The following ZCWPW2 variants were observed in gnomAD, a reference collection of about 807,000 sequenced individuals.
The protein encoded by ZCWPW2 is zinc finger CW-type and PWWP domain containing 2.
Under a neutral mutation model 46.6 loss-of-function variants are expected in ZCWPW2, and 45 were observed. The ratio of observed to expected loss-of-function variants is 0.96; its 90% confidence interval spans 0.76 to 1.24. The LOEUF is 1.24. ZCWPW2 is among the 50% of genes most tolerant of loss of function. The pLI is 0.00. For synonymous variants in ZCWPW2, 152 were observed against 137.1 expected (o/e 1.11, Z -0.76); for missense variants, 429 against 403.9 (o/e 1.06, Z -0.53).
chr3:28,510,836 A>T (rs1320172962), intron 6 of ZCWPW2, among the ~76,000 whole-genome samples: 1 of 152,188 alleles, frequency 6.6e-6, no homozygotes, highest in Non-Finnish European at 1.5e-5. Context: ...TTCCATGAGA[A>T]GATGATGATG....
intron 3 of ZCWPW2, among the ~76,000 whole-genome samples, chr3:28,413,709 G>T (rs1217207595): frequency 1.3e-5 from 2 of 151,902 alleles, no homozygotes; most frequent in Non-Finnish European, 2.9e-5. Context: ...AATATTTACT[G>T]ATTTTCTTTG....
chr3:28,432,083 A>G (rs1443780796), intron 3 of ZCWPW2, among the ~76,000 whole-genome samples: 1 of 152,162 alleles, frequency 6.6e-6, no homozygotes, highest in African/African-American at 2.4e-5. Context: ...ACCTCCCACC[A>G]TGTCCCTCCT....
intron 5 of ZCWPW2, among the ~76,000 whole-genome samples, chr3:28,481,662 G>T (rs187164706): frequency 3.9e-5 from 6 of 152,010 alleles, no homozygotes; most frequent in Non-Finnish European, 7.4e-5. Flanking sequence ...AGAAGGATCC[G>T]GACTTTGATG....
chr3:28,462,163 C>T (rs1014670248), intron 4 of ZCWPW2, among the ~76,000 whole-genome samples: 4 of 151,984 alleles, frequency 2.6e-5, no homozygotes, highest in Admixed American at 6.6e-5. Context: ...AGGGCCACTG[C>T]GAGGGAGACA....
At position 28,436,029 on chromosome 3, in the gene ZCWPW2, C is replaced by G. The variant is rs145091124; in HGVS notation, c.492+760C>G. ...CAGTATCTTTTTGACTCTTTTTAAA[C>G]TTTAAATCTCACATTATAATTAATA... On this transcript the variant is annotated intron_variant, in intron 4 of 9. Coordinates refer to ENST00000383768, the MANE Select transcript of ZCWPW2 (RefSeq NM_001040432.4). Among the ~76,000 whole-genome samples the G allele has an allele frequency of 2.4e-3, 372 of 152,142 alleles. 1 individual carries two copies. Among genetic ancestry groups the G allele is most frequent in the African/African-American group, 8.2e-3 (339 of 41,524 alleles).
intron 1 of ZCWPW2, among the ~76,000 whole-genome samples, chr3:28,357,759 G>T (rs567655755): frequency 1.4e-5 from 2 of 147,866 alleles, no homozygotes; most frequent in South Asian, 2.1e-4. Context: ...AATTGCATAG[G>T]CCAATTATAT....
chr3:28,485,137 A>G (rs1386092963), intron 5 of ZCWPW2, among the ~76,000 whole-genome samples: 1 of 148,590 alleles, frequency 6.7e-6, no homozygotes, highest in Non-Finnish European at 1.5e-5. Context: ...ATTTTTCTTG[A>G]GTTTTTTTTT....
intron 6 of ZCWPW2, among the ~76,000 whole-genome samples, chr3:28,501,901 A>G (rs1700152186): frequency 6.6e-6 from 1 of 152,040 alleles, no homozygotes; most frequent in Non-Finnish European, 1.5e-5. Flanking sequence ...AGTGTGCACC[A>G]CCATGCCTGG....
intron 1 of ZCWPW2, among the ~76,000 whole-genome samples, chr3:28,352,126 G>GCACACACACACACACA (rs111383620): frequency 1.0e-4 from 13 of 129,706 alleles, no homozygotes; most frequent in African/African-American, 3.5e-4. Flanking sequence ...TCAGATGTAT[G>GCACACACACACACACA]CACACACACA....
rs919301471 is a variant in ZCWPW2 at position 28,403,037 on chromosome 3, G to A, written c.-13-10019G>A. 2.6e-5 allele frequency among the ~76,000 whole-genome samples: 4 copies of A among 152,168 alleles called. 1 individual carries two copies. The South Asian group carries it at 6.2e-4, about 24-fold the overall frequency. ...ACTTCTCTTCCACATAGTACTGGAA[G>A]TCCTAGTCAGAACAGTCAGACAAGA... On this transcript the variant is annotated intron_variant, in intron 2 of 9. Coordinates refer to ENST00000383768, the MANE Select transcript of ZCWPW2 (RefSeq NM_001040432.4).
chr3:28,522,301 G>T (rs1368355736), intron 9 of ZCWPW2, among the ~76,000 whole-genome samples: 1 of 152,150 alleles, frequency 6.6e-6, no homozygotes, highest in Non-Finnish European at 1.5e-5. Context: ...GCTTTGCATA[G>T]GAACAAACAC....
At chr3:28,417,515 T>G (rs1455063061) in intron 3 of ZCWPW2, among the ~76,000 whole-genome samples, 22 of 152,086 alleles carry the variant, frequency 1.4e-4, no homozygotes, top group African/African-American at 4.8e-4. Flanking sequence ...ACTCATTTTA[T>G]GAGGCCAGCA....
chr3:28,475,297 T>C (rs1469063784), intron 4 of ZCWPW2, among the ~76,000 whole-genome samples: 3 of 152,274 alleles, frequency 2.0e-5, no homozygotes, highest in East Asian at 1.9e-4. Context: ...GGACGTGCTT[T>C]TTGCTCTATC....
At chr3:28,381,664 G>A (rs971253126) in intron 1 of ZCWPW2, among the ~76,000 whole-genome samples, 1 of 152,120 alleles carries the variant, frequency 6.6e-6, no homozygotes. Flanking sequence ...GCACACGGCT[G>A]TACTCCTAGC....
intron 4 of ZCWPW2, among the ~76,000 whole-genome samples, chr3:28,453,889 G>C (rs1698326688): frequency 6.7e-6 from 1 of 149,166 alleles, no homozygotes; most frequent in African/African-American, 2.5e-5. Context: ...CTGTCGCCCA[G>C]GCTGGAGTGC....
At chr3:28,486,756 A>G (rs1244518498) in intron 5 of ZCWPW2, among the ~76,000 whole-genome samples, 3 of 152,000 alleles carry the variant, frequency 2.0e-5, no homozygotes, top group African/African-American at 7.2e-5. Flanking sequence ...AGTCCCAGCT[A>G]TGCAGGAGAC....
At chr3:28,389,951 A>G (rs1391757206) in intron 1 of ZCWPW2, among the ~76,000 whole-genome samples, 1 of 152,238 alleles carries the variant, frequency 6.6e-6, no homozygotes, top group Non-Finnish European at 1.5e-5. Flanking sequence ...TGCTTTACTC[A>G]AAGTTCATCA....
At chr3:28,509,361 A>T (rs1700364919) in intron 6 of ZCWPW2, among the ~76,000 whole-genome samples, 1 of 152,130 alleles carries the variant, frequency 6.6e-6, no homozygotes, top group Non-Finnish European at 1.5e-5. Flanking sequence ...GAATTATGAG[A>T]TCATAGGGTA....
intron 4 of ZCWPW2, among the ~76,000 whole-genome samples, chr3:28,437,636 T>C (rs943073286): frequency 8.5e-5 from 13 of 152,120 alleles, no homozygotes; most frequent in Non-Finnish European, 1.5e-4. Context: ...GATGATAGTG[T>C]TTTCCCCTAA....
Sources: allele counts gnomAD v4.1 joint callset (sites outside exome capture counted in the v4.1 genomes callset), GRCh38; gene constraint gnomAD v4.1.1; transcripts MANE v1.5; gene names NCBI Gene and HGNC (gene_info 2026-07-23, HGNC 2026-07-21).